Variants in SEPTIN9 observed in about 807,000 individuals in gnomAD.
SEPTIN9 encodes the protein septin 9, also known as septin-9.
SEPTIN9 carries 13 observed loss-of-function variants against 56.6 expected under a neutral mutation model. The ratio of observed to expected loss-of-function variants is 0.23; its 90% CI spans 0.15 to 0.37. SEPTIN9 has a LOEUF of 0.37. Ranked by LOEUF, SEPTIN9 falls within the 10% of genes least tolerant of loss-of-function variation. SEPTIN9 has a pLI of 1.00. For synonymous variants in SEPTIN9, 332 were observed against 334.1 expected, an observed-to-expected ratio of 0.99 and a Z score of 0.07; for missense variants, 650 against 823.1, an observed-to-expected ratio of 0.79 and a Z score of 2.57.
chr17:77,424,211 A>AGAG (rs1259949594), intron 3 of SEPTIN9, among the ~76,000 whole-genome samples: 1 of 1,284 alleles, frequency 7.8e-4, no homozygotes, highest in Non-Finnish European at 1.7e-3. Context: ...TTACTACTGC[A>AGAG]GAGAAGGCAC....
intron 3 of SEPTIN9, among the ~76,000 whole-genome samples, chr17:77,409,420 T>C (rs1408185918): frequency 6.6e-6 from 1 of 151,970 alleles, no homozygotes; most frequent in Non-Finnish European, 1.5e-5. Context: ...CCAAGCACCG[T>C]GCAGTGGTGA....
intron 3 of SEPTIN9, among the ~76,000 whole-genome samples, chr17:77,430,993 A>C (rs567669961): frequency 6.8e-6 from 1 of 147,882 alleles, no homozygotes; most frequent in East Asian, 2.1e-4. Context: ...TCCGTATCAA[A>C]AAAAAAAAAA....
intron 2 of SEPTIN9, among the ~76,000 whole-genome samples, chr17:77,335,083 T>A (rs73997499): frequency 1.3e-5 from 2 of 151,716 alleles, no homozygotes; most frequent in Non-Finnish European, 2.9e-5. Context: ...TATATACATA[T>A]CAGCCCTATA....
At chr17:77,282,752 G>T (rs1191046256) in intron 1 of SEPTIN9, among the ~76,000 whole-genome samples, 1 of 152,232 alleles carries the variant, frequency 6.6e-6, no homozygotes, top group Non-Finnish European at 1.5e-5. Context: ...CAGGAGCGTG[G>T]GTGGGTTGGT....
chr17:77,492,210 T>C lies in SEPTIN9; in HGVS notation c.1381-411T>C, dbSNP rs2040060874. On this transcript the variant is annotated intron_variant, in intron 8 of 11. Coordinates refer to ENST00000427177, the MANE Select transcript of SEPTIN9 (RefSeq NM_001113491.2). This position sits in a 1 kb window ranked among gnomAD's most constrained non-coding sequence, Gnocchi z 5.4. ...GATGTTTCTGTTGCACGTACCCATG[T>C]CGGGCTGCTGGCAGGGAGCTGAGAG... Among the ~76,000 whole-genome samples the C allele has an allele frequency of 6.6e-6, 1 of 152,112 alleles. No homozygotes were observed. The highest frequency in any genetic ancestry group is 2.1e-4 in the South Asian group (1 of 4,828).
chr17:77,420,314 G>T (rs2036653839), intron 3 of SEPTIN9, among the ~76,000 whole-genome samples: 1 of 152,232 alleles, frequency 6.6e-6, no homozygotes, highest in Non-Finnish European at 1.5e-5. Context: ...AGTCCAGCAG[G>T]AAGTTTGCCT....
intron 2 of SEPTIN9, among the ~76,000 whole-genome samples, chr17:77,399,374 A>G (rs1317757857): frequency 2.0e-5 from 3 of 152,122 alleles, no homozygotes; most frequent in Admixed American, 2.0e-4. Flanking sequence ...GCACGGAAGG[A>G]TGCTGAGGAC....
At position 77,326,400 on chromosome 17, in the gene SEPTIN9, G is replaced by A. The variant is rs1444540840; in HGVS notation, c.76+19203G>A. Among the ~76,000 whole-genome samples the A allele has an allele frequency of 2.2e-4, 33 of 152,228 alleles. No individual in the cohort carries two copies. Among genetic ancestry groups the A allele is most frequent in the Admixed American group, 2.2e-3 (33 of 15,288 alleles). On this transcript the variant is annotated intron_variant, in intron 2 of 11. Transcript: ENST00000427177. This position sits in a 1 kb window ranked among gnomAD's most constrained non-coding sequence, Gnocchi z 5.1. ...AGTGGCAGGACAGAACCTGCGGTTC[G>A]TAGGACCAGGTCAGGAGGGCTGCCT...
intron 2 of SEPTIN9, among the ~76,000 whole-genome samples, chr17:77,340,712 C>T (rs1402816971): frequency 6.6e-6 from 1 of 152,220 alleles, no homozygotes; most frequent in Non-Finnish European, 1.5e-5. Flanking sequence ...CATCTTCTTC[C>T]AGTAGAAGGT....
intron 3 of SEPTIN9, among the ~76,000 whole-genome samples, chr17:77,417,263 C>A (rs115959658): frequency 6.6e-6 from 1 of 152,164 alleles, no homozygotes; most frequent in Admixed American, 6.5e-5. Context: ...TGTCATTTCA[C>A]GGATTCTGTG....
At position 77,373,187 on chromosome 17, in the gene SEPTIN9, G is replaced by C. The variant is rs940702495; in HGVS notation, c.77-28872G>C. Reference sequence around the variant, plus strand: ...TCCCCCAGCGGCCACTCGGGCCCCAGCCCCCCAGGCCTGGCCTTGACAGGC... The same window carrying C: ...TCCCCCAGCGGCCACTCGGGCCCCACCCCCCCAGGCCTGGCCTTGACAGGC... On this transcript the variant is annotated intron_variant, in intron 2 of 11. Coordinates refer to ENST00000427177, the MANE Select transcript of SEPTIN9 (RefSeq NM_001113491.2). 4.6e-6 allele frequency: 5 copies of C among 1,076,664 alleles called. No individual in the cohort carries two copies. The Admixed American group carries it at 2.7e-4, about 57-fold the overall frequency. 66.7% of individuals were successfully genotyped at this position (1,076,664 alleles called of 1,614,324 possible).
chr17:77,301,429 TGTGTGTGTG>T (rs2032053207), intron 1 of SEPTIN9, among the ~76,000 whole-genome samples: 1 of 151,102 alleles, frequency 6.6e-6, no homozygotes, highest in Non-Finnish European at 1.5e-5. Flanking sequence ...TGTGTGTGTG[TGTGTGTGTG>T]TTTTGAGAAA....
intron 2 of SEPTIN9, among the ~76,000 whole-genome samples, chr17:77,314,804 CT>C (rs2032637291): frequency 6.6e-6 from 1 of 152,238 alleles, no homozygotes; most frequent in Admixed American, 6.5e-5. Context: ...GCCCCAGGGC[CT>C]CCTGGCCTGG....
intron 3 of SEPTIN9, among the ~76,000 whole-genome samples, chr17:77,427,470 C>T (rs1246310537): frequency 6.6e-6 from 1 of 152,208 alleles, no homozygotes; most frequent in African/African-American, 2.4e-5. Flanking sequence ...GGGAGATGCC[C>T]CACCTCACTT....
In SEPTIN9 at chr17:77,291,105, G is replaced by A. The variant is rs938340558; in HGVS notation, c.19+9551G>A. On this transcript the variant is annotated intron_variant, in intron 1 of 11. Coordinates refer to ENST00000427177, the MANE Select transcript of SEPTIN9 (RefSeq NM_001113491.2). The stretch of plus-strand genomic sequence containing the variant: ...GGCTGGAGTGCCGTGGTGCAATCTC[G>A]GCTCACTGCAACCCCCGGCTCCTGG... Among the ~76,000 whole-genome samples, 9 of 143,224 alleles carry A rather than the reference G, an allele frequency of 6.3e-5. 1 individual carries two copies. The South Asian group carries it at 9.0e-4, about 14-fold the overall frequency. The allele number at this position is 143,224 out of a possible 152,430, so 94.0% of individuals were successfully genotyped here. A position where few individuals can be genotyped will look rare whatever the true frequency, so the allele number is the denominator to read the frequency against.
intron 3 of SEPTIN9, among the ~76,000 whole-genome samples, chr17:77,426,366 C>T (rs969161682): frequency 6.6e-6 from 1 of 152,058 alleles, no homozygotes; most frequent in Non-Finnish European, 1.5e-5. Flanking sequence ...CATGCAGTGG[C>T]GCAACAGCGT....
intron 3 of SEPTIN9, among the ~76,000 whole-genome samples, chr17:77,439,988 A>C (rs575771429): frequency 6.6e-6 from 1 of 152,086 alleles, no homozygotes; most frequent in Non-Finnish European, 1.5e-5. Flanking sequence ...CCTGTGAGGC[A>C]CCCCAGGTCC....
intron 3 of SEPTIN9, among the ~76,000 whole-genome samples, chr17:77,423,782 G>A (rs576713004): frequency 7.9e-5 from 12 of 152,374 alleles, no homozygotes; most frequent in African/African-American, 2.6e-4. Flanking sequence ...AATGAAAGGA[G>A]AGAGTGAGTA....
intron 1 of SEPTIN9, 101 bp from the exon 2 acceptor site, chr17:77,307,040 C>G: frequency 8.7e-7 from 1 of 1,145,388 alleles, no homozygotes; most frequent in Middle Eastern, 1.9e-4. Context: ...CTGGAACTCA[C>G]AGCAGGAGCA....
Sources: allele counts gnomAD v4.1 joint callset (sites outside exome capture counted in the v4.1 genomes callset), GRCh38; gene constraint gnomAD v4.1.1; non-coding constraint Gnocchi (gnomAD v3.1); transcripts MANE v1.5; gene names NCBI Gene and HGNC (gene_info 2026-07-23, HGNC 2026-07-21).